Variants in LRBA observed in about 807,000 individuals in gnomAD.
LRBA encodes LPS responsive beige-like anchor protein, also known as lipopolysaccharide-responsive and beige-like anchor protein.
In LRBA, 176 loss-of-function variants were observed where a neutral mutation model predicts 330.0. The ratio of observed to expected loss-of-function variants is 0.53; its 90% CI spans 0.47 to 0.60. The LOEUF (loss-of-function observed/expected upper bound fraction) is 0.60. Ranked by LOEUF, LRBA falls within the 20% of genes least tolerant of loss-of-function variation. The pLI, the probability that LRBA is intolerant of heterozygous loss-of-function variation, is 0.00. For missense variants in LRBA, 3,259 were observed against 3,444.8 expected, an observed-to-expected ratio of 0.95 and a Z score of 1.35; for synonymous variants, 1,230 against 1,193.0, an observed-to-expected ratio of 1.03 and a Z score of -0.64.
rs1375360565 is a variant in LRBA, at chr4:150,915,733, GA to G, written c.895-7del. 6.3e-7 allele frequency: 1 copy of G among 1,578,338 alleles called. No homozygotes were observed. The highest frequency in any genetic ancestry group is 1.4e-5 in the African/African-American group (1 of 73,114). On this transcript the variant is annotated splice_region_variant and splice_polypyrimidine_tract_variant and intron_variant, in intron 7 of 56. Coordinates refer to ENST00000651943, the MANE Select transcript of LRBA (RefSeq NM_001364905.1). ...ACTATGGTAACCATATACCACTGCA[GA>G]AGCAAAAAACAGTTAAAAATACAAA...
At chr4:150,938,943 T>A (rs1735383412) in intron 2 of LRBA, among the ~76,000 whole-genome samples, 1 of 152,226 alleles carries the variant, frequency 6.6e-6, no homozygotes, top group African/African-American at 2.4e-5. Context: ...ATATTATCTA[T>A]AACTATCTCA....
At chr4:150,971,471 CT>C (rs748421635) in intron 2 of LRBA, among the ~76,000 whole-genome samples, 1 of 152,168 alleles carries the variant, frequency 6.6e-6, no homozygotes, top group Non-Finnish European at 1.5e-5. Flanking sequence ...TCCCAGCCAC[CT>C]TCTCTTTCCT....
intron 2 of LRBA, among the ~76,000 whole-genome samples, chr4:150,964,101 C>A (rs1347214936): frequency 6.7e-6 from 1 of 148,802 alleles, no homozygotes; most frequent in Non-Finnish European, 1.5e-5. Flanking sequence ...GCGTCTCCGC[C>A]CGGCAGCCGC....
chr4:150,862,442 C>T (rs1490222956), intron 22 of LRBA, among the ~76,000 whole-genome samples: 1 of 152,076 alleles, frequency 6.6e-6, no homozygotes, highest in Non-Finnish European at 1.5e-5. Context: ...GAAAACCAAA[C>T]ACTGCATGTT....
At chr4:150,440,158 C>T (rs557174147) in intron 44 of LRBA, among the ~76,000 whole-genome samples, 1 of 151,992 alleles carries the variant, frequency 6.6e-6, no homozygotes, top group Admixed American at 6.6e-5. Context: ...TCTTAAAAAG[C>T]AAGATTTTAA....
rs75201152 is a variant in LRBA at position 150,767,048 on chromosome 4, C to T, written c.5581-5201G>A. Among the ~76,000 whole-genome samples the T allele has an allele frequency of 9.1e-3, 1,379 of 151,708 alleles. 13 individuals carry two copies. Among genetic ancestry groups the T allele is most frequent in the Non-Finnish European group, 0.014 (973 of 67,844 alleles). On this transcript the variant is annotated intron_variant, in intron 34 of 56. Transcript: ENST00000651943. Reference sequence around the variant, plus strand: ...TTAGTGAAATCTACTACATAGATCTCCACCAAATTTCAAGACTGTATTCTT... The same window carrying T: ...TTAGTGAAATCTACTACATAGATCTTCACCAAATTTCAAGACTGTATTCTT...
At chr4:150,963,840 C>T (rs1738518559) in intron 2 of LRBA, among the ~76,000 whole-genome samples, 1 of 148,182 alleles carries the variant, frequency 6.7e-6, no homozygotes, top group South Asian at 2.1e-4. Flanking sequence ...GGCAGTCATC[C>T]CGTCTAGGAA....
intron 44 of LRBA, among the ~76,000 whole-genome samples, chr4:150,443,100 C>T (rs377714970): frequency 2.0e-5 from 3 of 152,066 alleles, no homozygotes; most frequent in East Asian, 1.9e-4. Flanking sequence ...AAAAACAGTT[C>T]GGGAGAAAGT....
At chr4:150,935,698 T>C (rs1403304565) in intron 2 of LRBA, among the ~76,000 whole-genome samples, 1 of 151,796 alleles carries the variant, frequency 6.6e-6, no homozygotes, top group African/African-American at 2.4e-5. Flanking sequence ...ATTAAACAAA[T>C]GGTATAACAT....
chr4:150,432,551 G>A (rs1750574036), intron 46 of LRBA, among the ~76,000 whole-genome samples: 1 of 136,148 alleles, frequency 7.3e-6, no homozygotes. Context: ...TCCGCCTCCT[G>A]GGTTCACGCC....
At chr4:150,776,495 G>A (rs1375109980) in intron 34 of LRBA, among the ~76,000 whole-genome samples, 1 of 152,090 alleles carries the variant, frequency 6.6e-6, no homozygotes, top group Non-Finnish European at 1.5e-5. Flanking sequence ...TGCTTTATTT[G>A]ATGAAAAATA....
At position 150,778,849 on chromosome 4, in the gene LRBA, G is replaced by C. The variant is rs564406228; in HGVS notation, c.5581-17002C>G. ...TTGAGGTCTGAAGTCAAGTCTTTAGGGAATCTCAAAGCTTGCACTGAAATT... is the reference window on the plus strand; with the variant it reads ...TTGAGGTCTGAAGTCAAGTCTTTAGCGAATCTCAAAGCTTGCACTGAAATT... On this transcript the variant is annotated intron_variant, in intron 34 of 56. Transcript: ENST00000651943. Among the ~76,000 whole-genome samples the C allele has an allele frequency of 4.6e-5, 7 of 152,132 alleles. No homozygotes were observed. The East Asian group carries it at 1.4e-3, about 29-fold the overall frequency.
At chr4:150,963,291 T>C (rs1738382756) in intron 2 of LRBA, among the ~76,000 whole-genome samples, 1 of 149,122 alleles carries the variant, frequency 6.7e-6, no homozygotes, top group Non-Finnish European at 1.5e-5. Flanking sequence ...CCCTGCCTGA[T>C]TCTCCTGCCT....
At chr4:150,349,182 T>C (rs537014037) in intron 48 of LRBA, among the ~76,000 whole-genome samples, 3 of 152,288 alleles carry the variant, frequency 2.0e-5, no homozygotes, top group Non-Finnish European at 4.4e-5. Context: ...CAGATCTTAG[T>C]AGAACTATAA....
chr4:150,789,073 CA>C (rs552576421), intron 34 of LRBA, among the ~76,000 whole-genome samples: 1 of 151,878 alleles, frequency 6.6e-6, no homozygotes, highest in Non-Finnish European at 1.5e-5. Context: ...GACTCTGTCT[CA>C]AAAAAATATA....
chr4:150,545,145 A>G (rs1400441812), intron 40 of LRBA, among the ~76,000 whole-genome samples: 2 of 152,242 alleles, frequency 1.3e-5, no homozygotes, highest in African/African-American at 4.8e-5. Context: ...ACGATGAAGC[A>G]TTTCATAATA....
intron 37 of LRBA, among the ~76,000 whole-genome samples, chr4:150,619,127 G>A (rs1216786561): frequency 6.6e-6 from 1 of 152,050 alleles, no homozygotes; most frequent in African/African-American, 2.4e-5. Context: ...TAAAATCACA[G>A]AGAGGTACAT....
intron 40 of LRBA, among the ~76,000 whole-genome samples, chr4:150,560,276 T>A (rs1768146687): frequency 6.6e-6 from 1 of 151,930 alleles, no homozygotes; most frequent in African/African-American, 2.4e-5. Context: ...AGAGCACGAA[T>A]GATAAATGAG....
chr4:150,508,241 G>A (rs374649547), intron 40 of LRBA, among the ~76,000 whole-genome samples: 2,022 of 12,860 alleles, frequency 0.16, 36 homozygotes, highest in Non-Finnish European at 0.19. Context: ...TAAAAAAAAA[G>A]GGGGGGGGGG....
Sources: gnomAD v4.1 joint callset for allele counts (sites outside exome capture counted in the v4.1 genomes callset) on GRCh38, gnomAD v4.1.1 for gene constraint, MANE v1.5 for transcripts, NCBI Gene and HGNC (gene_info 2026-07-23, HGNC 2026-07-21) for gene names.